Variants in KLRG1 observed in about 807,000 individuals in gnomAD.
KLRG1 encodes killer cell lectin-like receptor subfamily G member 1.
In KLRG1, 16 loss-of-function variants were observed where a neutral mutation model predicts 21.8. The observed-to-expected ratio is 0.73, with a 90% CI of 0.50 to 1.11. The LOEUF is 1.11. KLRG1 is among the 50% of genes most tolerant of loss of function. KLRG1 has a pLI of 0.00. For missense variants in KLRG1, 173 were observed against 218.3 expected (o/e 0.79, Z 1.31); for synonymous variants, 69 against 75.9 (o/e 0.91, Z 0.47).
the KLRG1 span, among the ~76,000 whole-genome samples, chr12:9,071,054 A>C: frequency 1.3e-5 from 2 of 151,996 alleles, no homozygotes; most frequent in African/African-American, 4.8e-5. Context: ...TCCCGACCTA[A>C]GGTAATCTGC....
At chr12:9,160,992 A>T in the KLRG1 span, 1 of 1,435,194 alleles carries the variant, frequency 7.0e-7, no homozygotes, top group African/African-American at 1.4e-5. Context: ...GTACAGTGGC[A>T]ACTCTTTTGG....
the KLRG1 span, chr12:9,095,193 CT>C: frequency 1.7e-6 from 1 of 575,320 alleles, no homozygotes. Flanking sequence ...TTAAATTAAA[CT>C]TTTAACATTC....
chr12:9,144,723 T>C, the KLRG1 span, among the ~76,000 whole-genome samples: 1 of 152,254 alleles, frequency 6.6e-6, no homozygotes, highest in Admixed American at 6.5e-5. Flanking sequence ...AGAAGTTTAT[T>C]GTGGGGTTGG....
the KLRG1 span, among the ~76,000 whole-genome samples, chr12:9,123,760 T>C: frequency 6.6e-6 from 1 of 152,160 alleles, no homozygotes; most frequent in African/African-American, 2.4e-5. Context: ...CTTCCTTGTT[T>C]GTGAAGCAAT....
chr12:9,027,762 G>GCCA, the KLRG1 span: 1 of 1,393,452 alleles, frequency 7.2e-7, no homozygotes, highest in Non-Finnish European at 1.0e-6. Context: ...ATCCATTATA[G>GCCA]CCATCCCCAT....
the KLRG1 span, among the ~76,000 whole-genome samples, chr12:9,082,537 GCTAGA>G: frequency 2.0e-5 from 3 of 152,128 alleles, no homozygotes; most frequent in African/African-American, 7.2e-5. Flanking sequence ...AGAATTATAG[GCTAGA>G]CTAAATAGCA....
chr12:8,986,932 G>T (rs2137309780), upstream of KLRG1, among the ~76,000 whole-genome samples: 1 of 152,212 alleles, frequency 6.6e-6, no homozygotes. Flanking sequence ...TCCTGCTCTG[G>T]CCATGTAAGA....
Position 8,999,124 on chromosome 12 carries a change from T to G in KLRG1, c.357+3836T>G, listed in dbSNP as rs762331961. On this transcript the variant is annotated intron_variant, in intron 3 of 4. Coordinates refer to ENST00000356986, the MANE Select transcript of KLRG1 (RefSeq NM_005810.4). ...ATTAAATTTCTCTGTTATTTTCTCA[T>G]TTTTGTGTTAACATTATGGCATCAG... Among the ~76,000 whole-genome samples, 4 of 152,250 alleles carry G rather than the reference T, an allele frequency of 2.6e-5. No homozygotes were observed. The South Asian group carries it at 8.3e-4, about 32-fold the overall frequency.
At chr12:9,072,451 T>C in the KLRG1 span, 1 of 1,612,988 alleles carries the variant, frequency 6.2e-7, no homozygotes, top group South Asian at 1.1e-5. Context: ...AGGGGAACTC[T>C]TCCTTTTCTG....
the KLRG1 span, among the ~76,000 whole-genome samples, chr12:9,035,972 A>G: frequency 6.6e-6 from 1 of 152,176 alleles, no homozygotes. Flanking sequence ...GAGTGGAACA[A>G]AAGACACTGA....
At chr12:9,150,703 T>C in the KLRG1 span, 1 of 1,613,276 alleles carries the variant, frequency 6.2e-7, no homozygotes, top group Non-Finnish European at 8.5e-7. Flanking sequence ...TACTGGGATG[T>C]CTTGCAGAAC....
chr12:9,199,859 T>C, the KLRG1 span, among the ~76,000 whole-genome samples: 1 of 152,156 alleles, frequency 6.6e-6, no homozygotes, highest in Admixed American at 6.6e-5. Context: ...GATTGAAAAT[T>C]TCCGTTGTAG....
intron 1 of KLRG1, among the ~76,000 whole-genome samples, chr12:8,963,673 T>C (rs1034442831): frequency 2.6e-5 from 4 of 152,234 alleles, no homozygotes; most frequent in African/African-American, 9.6e-5. Context: ...CCTGGACTTT[T>C]TTTGGTTGGT....
chr12:9,026,734 T>G, the KLRG1 span, among the ~76,000 whole-genome samples: 1 of 152,168 alleles, frequency 6.6e-6, no homozygotes, highest in African/African-American at 2.4e-5. Flanking sequence ...TTGAGGCACA[T>G]GCCACCTGCT....
At chr12:8,969,986 C>T (rs1387885987) in intron 1 of KLRG1, among the ~76,000 whole-genome samples, 1 of 152,134 alleles carries the variant, frequency 6.6e-6, no homozygotes, top group African/African-American at 2.4e-5. Flanking sequence ...TATGGTGGTG[C>T]ATGCCTGTGG....
chr12:9,163,324 G>A, the KLRG1 span, among the ~76,000 whole-genome samples: 1 of 150,866 alleles, frequency 6.6e-6, no homozygotes, highest in African/African-American at 2.4e-5. Context: ...AATTAGCCAG[G>A]CGCCTGTAGT....
At chr12:9,032,438 A>G in the KLRG1 span, among the ~76,000 whole-genome samples, 6 of 152,212 alleles carry the variant, frequency 3.9e-5, no homozygotes, top group Non-Finnish European at 8.8e-5. Flanking sequence ...CTAAGCTACA[A>G]GATGTCTTCG....
At chr12:9,007,410 G>T (rs530503097) in intron 3 of KLRG1, among the ~76,000 whole-genome samples, 1 of 152,080 alleles carries the variant, frequency 6.6e-6, no homozygotes, top group Non-Finnish European at 1.5e-5. Context: ...ACAGGTGCCC[G>T]CCACCATGCC....
chr12:9,167,743 TC>T, the KLRG1 span, among the ~76,000 whole-genome samples: 1 of 152,196 alleles, frequency 6.6e-6, no homozygotes, highest in Non-Finnish European at 1.5e-5. Context: ...GCTCTTTTTT[TC>T]CTGAGTGTTA....
Sources: allele counts gnomAD v4.1 joint callset (sites outside exome capture counted in the v4.1 genomes callset), GRCh38; gene constraint gnomAD v4.1.1; transcripts MANE v1.5; gene names NCBI Gene and HGNC (gene_info 2026-07-23, HGNC 2026-07-21).